Variants in SLC24A3 observed in about 807,000 individuals in gnomAD.
SLC24A3 encodes sodium/potassium/calcium exchanger 3.
In SLC24A3, 28 loss-of-function variants were observed where a neutral mutation model predicts 75.8. The observed-to-expected ratio is 0.37, with a 90% confidence interval of 0.27 to 0.51. The LOEUF is 0.51. Among genes scored for constraint, SLC24A3 ranks in the 20% least tolerant of loss-of-function variants. The probability of loss-of-function intolerance (pLI) is 0.94; values close to 1 mark genes in which losing one functional copy is unlikely to be tolerated. For missense variants in SLC24A3, 663 were observed against 847.8 expected (o/e 0.78, Z 2.71); for synonymous variants, 372 against 334.1 (o/e 1.11, Z -1.24).
At chr20:19,591,816 A>G (rs2031382632) in intron 6 of SLC24A3, among the ~76,000 whole-genome samples, 1 of 152,244 alleles carries the variant, frequency 6.6e-6, no homozygotes, top group African/African-American at 2.4e-5. Context: ...TATTATAAAA[A>G]GCAGAGATAA....
rs753543296 is a variant in SLC24A3, at chr20:19,515,561, C to G, written c.345C>G (p.Leu115=). 6.2e-7 allele frequency: 1 copy of G among 1,614,062 alleles called. No individual in the cohort carries two copies. Among genetic ancestry groups the G allele is most frequent in the Non-Finnish European group, 8.5e-7 (1 of 1,179,968 alleles). The stretch of plus-strand genomic sequence containing the variant: ...AAGGTGCGGTGGTCCTCCATGTGCT[C>G]TGTGTAAGTACCCCTCTGTGCCTCT... The part of the protein sequence containing the change: ...RRQGAVVLHV[L]CAIYMFYALA... Residue 115 remains leucine (L), a synonymous_variant, in exon 3 of 17, where the codon CTC becomes CTG. Coordinates refer to ENST00000328041, the MANE Select transcript of SLC24A3 (RefSeq NM_020689.4).
At chr20:19,238,175 C>T (rs1233568109) in intron 1 of SLC24A3, among the ~76,000 whole-genome samples, 2 of 149,110 alleles carry the variant, frequency 1.3e-5, no homozygotes, top group African/African-American at 2.6e-5. Flanking sequence ...TTCCGAGTCA[C>T]CCCCCACAAG....
intron 2 of SLC24A3, among the ~76,000 whole-genome samples, chr20:19,470,012 T>A (rs1336220445): frequency 6.6e-6 from 1 of 152,144 alleles, no homozygotes; most frequent in South Asian, 2.1e-4. Context: ...CAGGGACCCT[T>A]GCTTGAGAAC....
At chr20:19,294,508 T>C (rs111883884) in intron 2 of SLC24A3, among the ~76,000 whole-genome samples, 3,121 of 152,288 alleles carry the variant, frequency 0.02, 41 homozygotes, top group African/African-American at 0.032. Context: ...GTTCAGCTCC[T>C]ACTTACATGT....
At chr20:19,233,545 T>C (rs1982084499) in intron 1 of SLC24A3, among the ~76,000 whole-genome samples, 1 of 152,220 alleles carries the variant, frequency 6.6e-6, no homozygotes, top group Admixed American at 6.5e-5. Flanking sequence ...AGAAATATAC[T>C]TGCCTGTGCA....
intron 6 of SLC24A3, among the ~76,000 whole-genome samples, chr20:19,613,279 A>G (rs541195934): frequency 9.8e-5 from 15 of 152,286 alleles, no homozygotes; most frequent in African/African-American, 2.9e-4. Context: ...AGCTTTATCA[A>G]TTTTGTTTCT....
intron 3 of SLC24A3, among the ~76,000 whole-genome samples, chr20:19,517,642 T>C (rs779669785): frequency 6.6e-6 from 1 of 152,224 alleles, no homozygotes; most frequent in South Asian, 2.1e-4. Flanking sequence ...TTAGAATCCA[T>C]AGGGCAAGGA....
At chr20:19,426,151 A>G (rs1449262788) in intron 2 of SLC24A3, among the ~76,000 whole-genome samples, 2 of 152,178 alleles carry the variant, frequency 1.3e-5, no homozygotes, top group Non-Finnish European at 2.9e-5. Context: ...CCAATTCAAC[A>G]TGAGATTCTT....
At position 19,651,993 on chromosome 20, in the gene SLC24A3, A is replaced by G. The variant is rs79679854; in HGVS notation, c.613-2069A>G. Reference sequence around the variant, plus strand: ...TCAAATGCTGGATCTCTTATTTTCTATTAAGGTAAAGAATGAGCATTAACT... The same window carrying G: ...TCAAATGCTGGATCTCTTATTTTCTGTTAAGGTAAAGAATGAGCATTAACT... On this transcript the variant is annotated intron_variant, in intron 6 of 16. Coordinates refer to ENST00000328041, the MANE Select transcript of SLC24A3 (RefSeq NM_020689.4). Among the ~76,000 whole-genome samples, 1,422 of 151,832 alleles carry G rather than the reference A, an allele frequency of 9.4e-3. 15 individuals carry two copies. The highest frequency in any genetic ancestry group is 0.032 in the African/African-American group (1,327 of 41,346).
At chr20:19,598,440 C>T (rs1335294009) in intron 6 of SLC24A3, among the ~76,000 whole-genome samples, 2 of 152,110 alleles carry the variant, frequency 1.3e-5, no homozygotes, top group African/African-American at 2.4e-5. Context: ...TGGGGGCTCT[C>T]CCTCCCCTGA....
In SLC24A3 at chr20:19,376,086, A is replaced by C. The variant is rs137963178; in HGVS notation, c.271+94999A>C. Among the ~76,000 whole-genome samples the C allele has an allele frequency of 3.7e-3, 561 of 152,298 alleles. 12 individuals are homozygous for C. The highest frequency in any genetic ancestry group is 0.027 in the Admixed American group (409 of 15,304). On this transcript the variant is annotated intron_variant, in intron 2 of 16. Coordinates refer to ENST00000328041, the MANE Select transcript of SLC24A3 (RefSeq NM_020689.4). ...ACCCAATATGAGAAGTATATGTGCA[A>C]CTGTGTGAGTGTGTGTTTGTGTGTG...
intron 6 of SLC24A3, among the ~76,000 whole-genome samples, chr20:19,598,628 G>A (rs890294383): frequency 1.3e-5 from 2 of 152,162 alleles, no homozygotes; most frequent in African/African-American, 4.8e-5. Context: ...TGTGACTGCA[G>A]TTGGGGCATG....
chr20:19,419,611 A>G (rs1341457822), intron 2 of SLC24A3, among the ~76,000 whole-genome samples: 2 of 152,024 alleles, frequency 1.3e-5, no homozygotes, highest in African/African-American at 4.8e-5. Context: ...CCTCAGGCAG[A>G]TCCTGAGGGG....
rs1377182451 is a variant in SLC24A3, at chr20:19,331,747, A to T, written c.271+50660A>T. On this transcript the variant is annotated intron_variant, in intron 2 of 16. Coordinates refer to ENST00000328041, the MANE Select transcript of SLC24A3 (RefSeq NM_020689.4). ...TGTGAGCCACACAGACAAGCTCCTGATTCTCATGAAGCTTCCATTCTAGGG... is the reference window on the plus strand; with the variant it reads ...TGTGAGCCACACAGACAAGCTCCTGTTTCTCATGAAGCTTCCATTCTAGGG... Among the ~76,000 whole-genome samples, 11 of 152,310 alleles carry T rather than the reference A, an allele frequency of 7.2e-5. 1 individual carries two copies. In the South Asian group the frequency reaches 2.3e-3, roughly 32 times the overall value.
chr20:19,556,274 C>T (rs1292441167), intron 3 of SLC24A3, among the ~76,000 whole-genome samples: 1 of 152,144 alleles, frequency 6.6e-6, no homozygotes, highest in Non-Finnish European at 1.5e-5. Flanking sequence ...TTCTCATCTC[C>T]TTCTCTATGT....
In SLC24A3 at chr20:19,501,916, C is replaced by A. The variant is rs192999048; in HGVS notation, c.272-13572C>A. 7.2e-5 allele frequency among the ~76,000 whole-genome samples: 11 copies of A among 152,274 alleles called. No homozygotes were observed. In the East Asian group the frequency reaches 2.1e-3, roughly 29 times the overall value. ...TATTTACCACCAGGCCACACCGTGA[C>A]TCCAGGCAGCATAAGTTCCATGGAG... On this transcript the variant is annotated intron_variant, in intron 2 of 16. Coordinates refer to ENST00000328041, the MANE Select transcript of SLC24A3 (RefSeq NM_020689.4).
chr20:19,507,313 A>G (rs1988475453), intron 2 of SLC24A3, among the ~76,000 whole-genome samples: 2 of 152,246 alleles, frequency 1.3e-5, no homozygotes, highest in African/African-American at 4.8e-5. Context: ...CAAGGCAAAC[A>G]ACGTGCAAAA....
At chr20:19,354,596 G>A (rs1391599136) in intron 2 of SLC24A3, among the ~76,000 whole-genome samples, 2 of 136,868 alleles carry the variant, frequency 1.5e-5, no homozygotes, top group Middle Eastern at 3.5e-3. Context: ...GTATGTGTGT[G>A]TGTGTGTGTG....
chr20:19,347,436 G>A, intron 2 of SLC24A3, among the ~76,000 whole-genome samples: 1 of 150,960 alleles, frequency 6.6e-6, no homozygotes, highest in Non-Finnish European at 1.5e-5. Context: ...CCTCACCAAT[G>A]CAAGATGTTA....
Sources: gnomAD v4.1 joint callset for allele counts (sites outside exome capture counted in the v4.1 genomes callset) on GRCh38, gnomAD v4.1.1 for gene constraint, MANE v1.5 for transcripts, NCBI Gene and HGNC (gene_info 2026-07-23, HGNC 2026-07-21) for gene names.